ASIC2: variants seen among roughly 807,000 people sequenced by gnomAD.
ASIC2 encodes acid-sensing ion channel 2.
ASIC2 carries 25 observed loss-of-function variants against 57.3 expected under a neutral mutation model. The ratio of observed to expected loss-of-function variants is 0.44; its 90% CI spans 0.32 to 0.61. The LOEUF is 0.61. Among genes scored for constraint, ASIC2 ranks in the 20% least tolerant of loss-of-function variants. The probability of loss-of-function intolerance (pLI) is 0.06; values close to 1 mark genes in which losing one functional copy is unlikely to be tolerated. For missense variants in ASIC2, 641 were observed against 738.1 expected (o/e 0.87, Z 1.52); for synonymous variants, 319 against 307.5 (o/e 1.04, Z -0.39).
chr17:33,066,644 A>G (rs748358628), intron 3 of ASIC2, among the ~76,000 whole-genome samples: 1 of 152,188 alleles, frequency 6.6e-6, no homozygotes, highest in Non-Finnish European at 1.5e-5. Flanking sequence ...CCTATAGAGG[A>G]AAAGTGACTT....
At chr17:34,012,223 A>G (rs563933343) in intron 1 of ASIC2, among the ~76,000 whole-genome samples, 32 of 152,212 alleles carry the variant, frequency 2.1e-4, no homozygotes, top group African/African-American at 7.2e-4. Context: ...CCGAACCACC[A>G]TGACCCAACC....
chr17:33,390,837 G>GTAATATCTA (rs1355846024), intron 1 of ASIC2, among the ~76,000 whole-genome samples: 1 of 152,190 alleles, frequency 6.6e-6, no homozygotes. Context: ...CATCTCAGAG[G>GTAATATCTA]TAATATCTAT....
chr17:33,779,169 G>C lies in ASIC2; in HGVS notation c.555+376809C>G, dbSNP rs545756991. Among the ~76,000 whole-genome samples, 4 of 152,258 alleles carry C rather than the reference G, an allele frequency of 2.6e-5. No homozygotes were observed. In the South Asian group the frequency reaches 8.3e-4, roughly 32 times the overall value. ...CCAGGGTAATAAGTAACTATTGGCA[G>C]TCATTTTGTAAACACATTTGGCTTC... is the stretch of plus-strand genomic sequence containing the variant. On this transcript the variant is annotated intron_variant, in intron 1 of 9. Coordinates refer to the ASIC2 transcript ENST00000359872.
At chr17:33,598,993 C>A (rs374637249) in intron 1 of ASIC2, among the ~76,000 whole-genome samples, 3 of 152,172 alleles carry the variant, frequency 2.0e-5, no homozygotes, top group Non-Finnish European at 4.4e-5. Flanking sequence ...ATGCACCTTA[C>A]GCAATCAACA....
chr17:33,096,786 G>T (rs1386377905), intron 2 of ASIC2, among the ~76,000 whole-genome samples: 3 of 152,186 alleles, frequency 2.0e-5, no homozygotes, highest in Admixed American at 6.5e-5. Context: ...AATGAAGTGA[G>T]CAATGAGCCA....
At chr17:34,138,878 C>T (rs1234434495) in intron 1 of ASIC2, among the ~76,000 whole-genome samples, 1 of 152,218 alleles carries the variant, frequency 6.6e-6, no homozygotes, top group Non-Finnish European at 1.5e-5. Flanking sequence ...AATGATCACA[C>T]AACCCAATCC....
At chr17:33,383,290 T>C (rs1909556946) in intron 1 of ASIC2, among the ~76,000 whole-genome samples, 1 of 152,224 alleles carries the variant, frequency 6.6e-6, no homozygotes, top group South Asian at 2.1e-4. Flanking sequence ...TGAGGCCATG[T>C]TGGGATTGCC....
intron 1 of ASIC2, among the ~76,000 whole-genome samples, chr17:34,151,105 GAAA>G (rs56803983): frequency 0.33 from 41,485 of 124,670 alleles, 6,369 homozygotes; most frequent in Middle Eastern, 0.48. Flanking sequence ...TCCATCTCAA[GAAA>G]AAAAAAAAAA....
At chr17:33,427,781 C>T (rs920121396) in intron 1 of ASIC2, among the ~76,000 whole-genome samples, 1 of 152,234 alleles carries the variant, frequency 6.6e-6, no homozygotes, top group African/African-American at 2.4e-5. Flanking sequence ...ACCTTACTCC[C>T]TTGTGTACCA....
chr17:33,020,961 G>A (rs1404640941), intron 7 of ASIC2, among the ~76,000 whole-genome samples: 3 of 152,144 alleles, frequency 2.0e-5, no homozygotes, highest in Non-Finnish European at 4.4e-5. Context: ...TAGGCTGACC[G>A]TCCTCATTGC....
intron 1 of ASIC2, among the ~76,000 whole-genome samples, chr17:33,579,594 G>A (rs1042999639): frequency 2.0e-4 from 30 of 151,946 alleles, no homozygotes; most frequent in African/African-American, 5.8e-4. Flanking sequence ...TCTTAAAGAT[G>A]GTGTGTCGGG....
chr17:33,681,445 C>T (rs1199330955), intron 1 of ASIC2, among the ~76,000 whole-genome samples: 1 of 152,046 alleles, frequency 6.6e-6, no homozygotes, highest in Non-Finnish European at 1.5e-5. Flanking sequence ...GGGCAAAATC[C>T]CCGCCACAAT....
intron 1 of ASIC2, among the ~76,000 whole-genome samples, chr17:33,889,750 C>G (rs1008264420): frequency 6.6e-6 from 1 of 152,128 alleles, no homozygotes; most frequent in Non-Finnish European, 1.5e-5. Context: ...AGTGCAGATG[C>G]AAAGAGGCGG....
chr17:33,356,552 T>A (rs1212200801), intron 1 of ASIC2, among the ~76,000 whole-genome samples: 2 of 152,128 alleles, frequency 1.3e-5, no homozygotes, highest in Non-Finnish European at 2.9e-5. Context: ...ATAATTACTA[T>A]CTTCTGTGTG....
In ASIC2 at chr17:33,305,106, G is replaced by T. The variant is rs28720803; in HGVS notation, c.556-193039C>A. On this transcript the variant is annotated intron_variant, in intron 1 of 9. Coordinates refer to the ASIC2 transcript ENST00000359872. ...GCTTTAATTAATTGAGGCTAGTAACGTGGCAGGCATGGTGCTAGGAACTTT... is the reference window on the plus strand; with the variant it reads ...GCTTTAATTAATTGAGGCTAGTAACTTGGCAGGCATGGTGCTAGGAACTTT... Among the ~76,000 whole-genome samples the T allele has an allele frequency of 2.3e-3, 357 of 152,252 alleles. 1 individual carries two copies. The highest frequency in any genetic ancestry group is 8.3e-3 in the African/African-American group (343 of 41,540).
intron 1 of ASIC2, among the ~76,000 whole-genome samples, chr17:33,374,431 C>G (rs1033466813): frequency 6.6e-6 from 1 of 152,158 alleles, no homozygotes; most frequent in African/African-American, 2.4e-5. Flanking sequence ...TTTCCACACC[C>G]CTATGATTTC....
chr17:33,287,300 T>C (rs1905233044), intron 1 of ASIC2, among the ~76,000 whole-genome samples: 1 of 152,186 alleles, frequency 6.6e-6, no homozygotes, highest in Admixed American at 6.5e-5. Flanking sequence ...TGCCTGGCAC[T>C]CTCCCCTGAA....
At chr17:33,672,003 TC>T (rs940087307) in intron 1 of ASIC2, among the ~76,000 whole-genome samples, 4 of 151,740 alleles carry the variant, frequency 2.6e-5, no homozygotes, top group Admixed American at 1.3e-4. Flanking sequence ...AGTTCACTTT[TC>T]CCCCCCTATT....
chr17:33,543,251 C>T (rs891223099), intron 1 of ASIC2, among the ~76,000 whole-genome samples: 3 of 150,862 alleles, frequency 2.0e-5, no homozygotes, highest in African/African-American at 7.4e-5. Context: ...CTAACCTGCA[C>T]AATGTGCACA....
Sources: gnomAD v4.1 joint callset for allele counts (sites outside exome capture counted in the v4.1 genomes callset) on GRCh38, gnomAD v4.1.1 for gene constraint, MANE v1.5 for transcripts, NCBI Gene and HGNC (gene_info 2026-07-23, HGNC 2026-07-21) for gene names.